Variants in COL4A3 observed in about 807,000 individuals in gnomAD.
COL4A3 encodes the protein collagen type IV alpha 3 chain.
Under a neutral mutation model 217.4 loss-of-function variants are expected in COL4A3, and 135 were observed. That is an observed-to-expected ratio of 0.62 (90% CI 0.54 to 0.72). COL4A3 has a LOEUF of 0.72. Ranked by LOEUF, COL4A3 falls within the 30% of genes least tolerant of loss-of-function variation. The pLI, the probability that COL4A3 is intolerant of heterozygous loss-of-function variation, is 0.00. For synonymous variants in COL4A3, 690 were observed against 736.3 expected (o/e 0.94, Z 1.02); for missense variants, 1,868 against 2,119.9 (o/e 0.88, Z 2.33).
At chr2:227,174,296 ACCTTG>A (rs1286421131) in intron 1 of COL4A3, among the ~76,000 whole-genome samples, 1 of 152,152 alleles carries the variant, frequency 6.6e-6, no homozygotes, top group Admixed American at 6.5e-5. Context: ...AACACACCAC[ACCTTG>A]CCTTTCATTT....
At chr2:227,262,256 T>C (rs1000920320) in intron 20 of COL4A3, among the ~76,000 whole-genome samples, 2 of 152,152 alleles carry the variant, frequency 1.3e-5, no homozygotes, top group African/African-American at 4.8e-5. Context: ...TTTAGAGCTC[T>C]GACATTAAGG....
At chr2:227,252,751 T>C (rs1157285344) in intron 11 of COL4A3, among the ~76,000 whole-genome samples, 1 of 152,142 alleles carries the variant, frequency 6.6e-6, no homozygotes, top group Non-Finnish European at 1.5e-5. Context: ...AAGATCTGCA[T>C]ACTCAGTGGT....
chr2:227,253,146 T>C lies in COL4A3; in HGVS notation c.646-150T>C. 1 of 695,036 alleles carries C rather than the reference T, an allele frequency of 1.4e-6. No homozygotes were observed. Among genetic ancestry groups the C allele is most frequent in the Non-Finnish European group, 2.5e-6 (1 of 404,790 alleles). 43.1% of individuals were successfully genotyped at this position (695,036 alleles called of 1,614,324 possible). A position where few individuals can be genotyped will look rare whatever the true frequency, so the allele number is the denominator to read the frequency against. The stretch of plus-strand genomic sequence containing the variant: ...TCCTTTAAAAGAAACATATCAATGC[T>C]CTTCTCTAAGAAATAGCTAAAATAT... On this transcript the variant is annotated intron_variant, in intron 11 of 51. Coordinates refer to ENST00000396578, the MANE Select transcript of COL4A3 (RefSeq NM_000091.5). This position sits in a 1 kb window ranked among gnomAD's most constrained non-coding sequence, Gnocchi z 4.4.
rs770483947 is a variant in COL4A3 at position 227,246,082 on chromosome 2, TG to T, written c.387+68del. On this transcript the variant is annotated intron_variant, in intron 6 of 51. Coordinates refer to ENST00000396578, the MANE Select transcript of COL4A3 (RefSeq NM_000091.5). ...GCTGAATGATTAAATCAAGGTGAAATGGCAATGAAAGGCAGACAGGCTTCCC... is the reference window on the plus strand; with the variant it reads ...GCTGAATGATTAAATCAAGGTGAAATGCAATGAAAGGCAGACAGGCTTCCC... 25 of 1,313,786 alleles carry T rather than the reference TG, an allele frequency of 1.9e-5. 1 individual carries two copies. Among genetic ancestry groups the T allele is most frequent in the Admixed American group, 6.9e-5 (4 of 57,580 alleles). 81.4% of individuals were successfully genotyped at this position (1,313,786 alleles called of 1,614,324 possible). A position where few individuals can be genotyped will look rare whatever the true frequency, so the allele number is the denominator to read the frequency against.
chr2:227,282,423 A>C lies in COL4A3; in HGVS notation c.2547A>C (p.Ser849=). 1.9e-6 allele frequency: 3 copies of C among 1,613,854 alleles called. No homozygotes were observed. The highest frequency in any genetic ancestry group is 2.5e-6 in the Non-Finnish European group (3 of 1,179,884). The change falls in exon 32 of 52, where the codon TCA becomes TCC. Residue 849 remains serine, a synonymous_variant. Transcript: ENST00000396578. The surrounding 1 kb of genome is among the most constrained non-coding windows in gnomAD (Gnocchi z 4.4). ...CAGGAATTCCAGGCTTGGATAGATC[A>C]GGATTTCCTGGAGAAACTGGATCAC... ...GDPGIPGLDR[S]GFPGETGSPG... is the part of the protein sequence containing the mutation.
chr2:227,293,350 A>G, intron 38 of COL4A3, 33 bp downstream of exon 38: 1 of 1,613,034 alleles, frequency 6.2e-7, no homozygotes, highest in Non-Finnish European at 8.5e-7. Flanking sequence ...TAAAAGCTGG[A>G]AGCATTACTC....
At position 227,240,201 on chromosome 2, in the gene COL4A3, C is replaced by G. The variant is rs766573165; in HGVS notation, c.203C>G (p.Pro68Arg). The G allele has an allele frequency of 6.2e-7, 1 of 1,612,016 alleles. No homozygotes were observed. The part of the protein sequence containing the change: ...GSPGQKGFTG[P>R]EGLPGPQGPK... The stretch of plus-strand genomic sequence containing the variant: ...CCTGGCCAGAAAGGATTCACAGGTC[C>G]TGAAGGCTTGCCTGGACCGCAGGGA... The change falls in exon 3 of 52, where the codon CCT (proline) becomes CGT (arginine). Residue 68 changes from proline (P) to arginine (R), a missense_variant. Pro to Arg is a moderately radical substitution (Grantham distance 103). This residue lies in a region of COL4A3 where 365 missense variants were observed against 333.8 expected (regional missense o/e 1.09). Coordinates refer to ENST00000396578, the MANE Select transcript of COL4A3 (RefSeq NM_000091.5).
chr2:227,176,505 C>G (rs989366821), intron 1 of COL4A3, among the ~76,000 whole-genome samples: 1 of 152,128 alleles, frequency 6.6e-6, no homozygotes, highest in African/African-American at 2.4e-5. Flanking sequence ...TTTTAATTTT[C>G]TAGCGGTAGT....
chr2:227,279,204 G>A (rs1329630591), intron 28 of COL4A3, among the ~76,000 whole-genome samples: 1 of 151,318 alleles, frequency 6.6e-6, no homozygotes, highest in Non-Finnish European at 1.5e-5. Flanking sequence ...TCAGCCTCCC[G>A]AGTAGCTGGG....
intron 20 of COL4A3, among the ~76,000 whole-genome samples, chr2:227,262,335 A>C (rs766792885): frequency 5.3e-5 from 8 of 152,136 alleles, no homozygotes; most frequent in Non-Finnish European, 1.0e-4. Context: ...AAACAAAAAA[A>C]CAGGCTCCTT....
chr2:227,185,513 A>T (rs74521430), intron 1 of COL4A3, among the ~76,000 whole-genome samples: 5,325 of 152,326 alleles, frequency 0.035, 303 homozygotes, highest in African/African-American at 0.12. Context: ...CTACTAAAAA[A>T]GCAATGACAA....
intron 1 of COL4A3, among the ~76,000 whole-genome samples, chr2:227,212,361 A>T (rs1183351959): frequency 1.3e-5 from 2 of 152,208 alleles, no homozygotes. Flanking sequence ...CCCCAAGGTC[A>T]TAAAGATACC....
chr2:227,285,477 G>A (rs1437557949), intron 34 of COL4A3, among the ~76,000 whole-genome samples: 1 of 151,286 alleles, frequency 6.6e-6, no homozygotes, highest in African/African-American at 2.4e-5. Flanking sequence ...AAAGTAATGC[G>A]ACTTTTATAA....
At chr2:227,178,296 C>A (rs754384235) in intron 1 of COL4A3, among the ~76,000 whole-genome samples, 1 of 151,922 alleles carries the variant, frequency 6.6e-6, no homozygotes, top group East Asian at 1.9e-4. Flanking sequence ...GTGGGAGGAT[C>A]GCTTGAGCCC....
At chr2:227,226,224 T>C (rs970718299) in intron 1 of COL4A3, among the ~76,000 whole-genome samples, 12 of 152,306 alleles carry the variant, frequency 7.9e-5, no homozygotes, top group Non-Finnish European at 1.6e-4. Context: ...TTTATTTTAT[T>C]GCCCTGTGAA....
At position 227,256,337 on chromosome 2, in the gene COL4A3, C is replaced by A. The variant is rs369438839; in HGVS notation, c.934-6C>A. On this transcript the variant is annotated splice_region_variant and splice_polypyrimidine_tract_variant and intron_variant, in intron 16 of 51. Coordinates refer to ENST00000396578, the MANE Select transcript of COL4A3 (RefSeq NM_000091.5). ...CTGACCCATTTCTTTTTGTTCTTTT[C>A]TTTAGGGAGTCAAGGGCAACAGGGG... The A allele has an allele frequency of 6.4e-5, 103 of 1,613,420 alleles. 2 individuals are homozygous for A. The East Asian group carries it at 1.4e-3, about 23-fold the overall frequency.
At position 227,309,882 on chromosome 2, in the gene COL4A3, C is replaced by G. The variant is rs142817736; in HGVS notation, c.4755+564C>G. On this transcript the variant is annotated intron_variant, in intron 50 of 51. Transcript: ENST00000396578. Reference sequence around the variant, plus strand: ...CCTCCAGTGATCTGCCCAACTCAGCCTCCCAAAGTGCTGGGATTACAGGCA... The same window carrying G: ...CCTCCAGTGATCTGCCCAACTCAGCGTCCCAAAGTGCTGGGATTACAGGCA... Among the ~76,000 whole-genome samples the G allele has an allele frequency of 4.1e-4, 63 of 152,244 alleles. 1 individual carries two copies. In the East Asian group the frequency reaches 0.011, roughly 27 times the overall value.
At chr2:227,190,887 A>G (rs940129031) in intron 1 of COL4A3, among the ~76,000 whole-genome samples, 2 of 152,222 alleles carry the variant, frequency 1.3e-5, no homozygotes, top group Non-Finnish European at 2.9e-5. Flanking sequence ...AGACTGGGTA[A>G]CAGTAATATG....
intron 1 of COL4A3, among the ~76,000 whole-genome samples, chr2:227,231,177 T>C (rs2068383342): frequency 6.6e-6 from 1 of 152,044 alleles, no homozygotes; most frequent in African/African-American, 2.4e-5. Flanking sequence ...GTCTGCCATA[T>C]CATCTGAGAT....
Sources: allele counts gnomAD v4.1 joint callset (sites outside exome capture counted in the v4.1 genomes callset), GRCh38; gene constraint gnomAD v4.1.1; regional missense constraint gnomAD v4.1.1; non-coding constraint Gnocchi (gnomAD v3.1); transcripts MANE v1.5; gene names NCBI Gene and HGNC (gene_info 2026-07-23, HGNC 2026-07-21).